Variants in MAGI2 observed in about 807,000 individuals in gnomAD.
MAGI2 encodes the protein membrane associated guanylate kinase, WW and PDZ domain containing 2, also known as membrane-associated guanylate kinase, WW and PDZ domain-containing protein 2.
Under a neutral mutation model 133.3 loss-of-function variants are expected in MAGI2, and 35 were observed. The ratio of observed to expected loss-of-function variants is 0.26; its 90% CI spans 0.20 to 0.35. The LOEUF is 0.35. Ranked by LOEUF, MAGI2 falls within the 10% of genes least tolerant of loss-of-function variation. MAGI2 has a pLI of 1.00. For missense variants in MAGI2, 1,636 were observed against 1,863.4 expected (o/e 0.88, Z 2.25); for synonymous variants, 729 against 710.6 (o/e 1.03, Z -0.41).
At chr7:79,014,769 GA>G (rs1808521796) in intron 1 of MAGI2, among the ~76,000 whole-genome samples, 1 of 152,072 alleles carries the variant, frequency 6.6e-6, no homozygotes, top group African/African-American at 2.4e-5. Flanking sequence ...CACTTACTAA[GA>G]TTATTAAACT....
At chr7:79,268,172 C>CT (rs2129556995) in intron 1 of MAGI2, among the ~76,000 whole-genome samples, 1 of 152,278 alleles carries the variant, frequency 6.6e-6, no homozygotes, top group South Asian at 2.1e-4. Context: ...CATTCTGCAG[C>CT]TGCTTCTAAG....
chr7:79,167,409 A>C (rs1825053618), intron 1 of MAGI2, among the ~76,000 whole-genome samples: 1 of 151,476 alleles, frequency 6.6e-6, no homozygotes, highest in South Asian at 2.1e-4. Context: ...AAAAAAAAAA[A>C]AAAAAAAAAC....
chr7:79,123,166 C>T (rs1472607279), intron 1 of MAGI2, among the ~76,000 whole-genome samples: 3 of 152,100 alleles, frequency 2.0e-5, no homozygotes, highest in African/African-American at 7.2e-5. Flanking sequence ...AATAAATATT[C>T]AAGAAATGAA....
intron 1 of MAGI2, among the ~76,000 whole-genome samples, chr7:79,167,084 G>T (rs573594761): frequency 6.6e-6 from 1 of 151,990 alleles, no homozygotes; most frequent in African/African-American, 2.4e-5. Flanking sequence ...ATGTTCAAGA[G>T]GTTTGCACAT....
chr7:78,665,429 T>A (rs1189577559), intron 2 of MAGI2, among the ~76,000 whole-genome samples: 1 of 152,066 alleles, frequency 6.6e-6, no homozygotes, highest in Non-Finnish European at 1.5e-5. Context: ...GTGCAAAGGA[T>A]GGAGAAACAA....
At chr7:78,210,187 T>C (rs1787631695) in intron 10 of MAGI2, among the ~76,000 whole-genome samples, 1 of 152,176 alleles carries the variant, frequency 6.6e-6, no homozygotes. Flanking sequence ...TAAATTCCAT[T>C]AGTGGAGATA....
intron 1 of MAGI2, among the ~76,000 whole-genome samples, chr7:79,157,150 G>T (rs539620217): frequency 6.6e-6 from 1 of 152,188 alleles, no homozygotes; most frequent in East Asian, 1.9e-4. Context: ...GTGCGCATTT[G>T]CATGAGAAAC....
intron 11 of MAGI2, among the ~76,000 whole-genome samples, chr7:78,195,578 G>T (rs561819199): frequency 2.0e-5 from 3 of 152,178 alleles, no homozygotes; most frequent in African/African-American, 7.2e-5. Flanking sequence ...CAGTTTAGAC[G>T]TAATTATGCA....
chr7:78,772,175 A>G (rs930344388), intron 2 of MAGI2, among the ~76,000 whole-genome samples: 2 of 152,212 alleles, frequency 1.3e-5, no homozygotes, highest in Non-Finnish European at 2.9e-5. Context: ...TCCAGTGGAG[A>G]CCATCTCTTC....
chr7:78,541,526 T>A (rs11974893), intron 3 of MAGI2, among the ~76,000 whole-genome samples: 35,397 of 152,108 alleles, frequency 0.23, 5,533 homozygotes, highest in African/African-American at 0.45. Flanking sequence ...GCAGTCCTGG[T>A]GGTATTTCTT....
At chr7:78,838,331 C>G (rs1393161810) in intron 2 of MAGI2, among the ~76,000 whole-genome samples, 1 of 152,014 alleles carries the variant, frequency 6.6e-6, no homozygotes, top group Non-Finnish European at 1.5e-5. Context: ...ACAGAATCAT[C>G]TAATCAGGTT....
chr7:78,552,528 G>A (rs985040784), intron 3 of MAGI2, among the ~76,000 whole-genome samples: 1 of 152,036 alleles, frequency 6.6e-6, no homozygotes, highest in Admixed American at 6.6e-5. Flanking sequence ...ACGTGTAGCC[G>A]GCATGATAGT....
intron 2 of MAGI2, among the ~76,000 whole-genome samples, chr7:78,706,938 G>C (rs1378683536): frequency 6.6e-6 from 1 of 152,070 alleles, no homozygotes; most frequent in Non-Finnish European, 1.5e-5. Flanking sequence ...TTGGTGTGGA[G>C]GTACCCTGGA....
At chr7:78,513,150 A>G (rs1374018311) in intron 4 of MAGI2, among the ~76,000 whole-genome samples, 2 of 152,142 alleles carry the variant, frequency 1.3e-5, no homozygotes, top group Non-Finnish European at 2.9e-5. Flanking sequence ...GGAGCATAGT[A>G]TTATATAAAA....
chr7:79,240,131 G>A (rs1167941947), intron 1 of MAGI2, among the ~76,000 whole-genome samples: 3 of 152,080 alleles, frequency 2.0e-5, no homozygotes, highest in Non-Finnish European at 2.9e-5. Context: ...AGACCTGAAG[G>A]CATTGCATTC....
chr7:78,732,816 A>T (rs1190323721), intron 2 of MAGI2, among the ~76,000 whole-genome samples: 1 of 152,002 alleles, frequency 6.6e-6, no homozygotes, highest in Non-Finnish European at 1.5e-5. Context: ...AAAATTTTCT[A>T]TGGAGTTTTT....
At chr7:78,707,736 G>C (rs1439412059) in intron 2 of MAGI2, among the ~76,000 whole-genome samples, 1 of 151,870 alleles carries the variant, frequency 6.6e-6, no homozygotes, top group Non-Finnish European at 1.5e-5. Flanking sequence ...ATATCTTTTT[G>C]TGTTTATTGC....
chr7:79,108,405 C>A (rs1380086365), intron 1 of MAGI2, among the ~76,000 whole-genome samples: 1 of 152,184 alleles, frequency 6.6e-6, no homozygotes, highest in Admixed American at 6.5e-5. Flanking sequence ...TAGTATATTA[C>A]TGAAATGTGT....
At chr7:78,036,644 G>A (rs1810260134) in intron 21 of MAGI2, among the ~76,000 whole-genome samples, 1 of 151,914 alleles carries the variant, frequency 6.6e-6, no homozygotes, top group Admixed American at 6.6e-5. Context: ...TTTAAGACAG[G>A]GTCTTGCTCC....
Sources: allele counts gnomAD v4.1 joint callset (sites outside exome capture counted in the v4.1 genomes callset), GRCh38; gene constraint gnomAD v4.1.1; transcripts MANE v1.5; gene names NCBI Gene and HGNC (gene_info 2026-07-23, HGNC 2026-07-21).